The following RERE variants were observed in gnomAD, a reference collection of about 807,000 sequenced individuals.
The protein encoded by RERE is arginine-glutamic acid dipeptide repeats protein.
Under a neutral mutation model 146.1 loss-of-function variants are expected in RERE, and 40 were observed. The ratio of observed to expected loss-of-function variants is 0.27; its 90% CI spans 0.21 to 0.36. RERE has a LOEUF of 0.36. RERE is among the 10% of genes least tolerant of loss of function. The probability of loss-of-function intolerance (pLI) is 1.00; values close to 1 mark genes in which losing one functional copy is unlikely to be tolerated. For missense variants in RERE, 1,933 were observed against 2,138.7 expected (o/e 0.90, Z 1.90); for synonymous variants, 1,003 against 866.0 (o/e 1.16, Z -2.78).
chr1:8,622,201 A>C (rs1646923942), intron 3 of RERE, among the ~76,000 whole-genome samples: 1 of 152,188 alleles, frequency 6.6e-6, no homozygotes, highest in Non-Finnish European at 1.5e-5. Context: ...AGCAACTATC[A>C]CATTGTAATC....
rs1205468994 is a variant in RERE, at chr1:8,459,789, A to C, written c.1203+6136T>G. On this transcript the variant is annotated intron_variant, in intron 11 of 22. Coordinates refer to ENST00000400908, the MANE Select transcript of RERE (RefSeq NM_001042681.2). ...ATGTTGTTCTAACAATAAAAAAAAC[A>C]ATCTGCACAAAACCCTAAAAAGAAT... Among the ~76,000 whole-genome samples the C allele has an allele frequency of 2.0e-5, 3 of 152,198 alleles. No individual in the cohort carries two copies. The East Asian group carries it at 5.8e-4, about 29-fold the overall frequency.
intron 3 of RERE, among the ~76,000 whole-genome samples, chr1:8,617,992 T>A (rs1182583088): frequency 1.3e-5 from 2 of 152,374 alleles, no homozygotes; most frequent in Admixed American, 6.5e-5. Context: ...TTAATTTGTG[T>A]TGATGTATGC....
At chr1:8,512,316 AGCCACCGC>A (rs1464371310) in intron 7 of RERE, among the ~76,000 whole-genome samples, 4 of 151,076 alleles carry the variant, frequency 2.6e-5, no homozygotes, top group African/African-American at 7.3e-5. Flanking sequence ...TACAGGCGTG[AGCCACCGC>A]GCCCGGCCAG....
intron 7 of RERE, among the ~76,000 whole-genome samples, chr1:8,510,080 CAAG>C (rs984930185): frequency 1.3e-5 from 2 of 151,554 alleles, no homozygotes; most frequent in Non-Finnish European, 2.9e-5. Context: ...AGGAGGAAGA[CAAG>C]GAGGAGGAGG....
Position 8,570,425 on chromosome 1 carries a change from CATAA to C in RERE, c.523-12906_523-12903del, listed in dbSNP as rs767450801. Among the ~76,000 whole-genome samples the C allele has an allele frequency of 1.8e-4, 27 of 152,164 alleles. No individual in the cohort carries two copies. The East Asian group carries it at 2.3e-3, about 13-fold the overall frequency. ...TAAACCCACTACATGCTCGTGTTAA[CATAA>C]ATAATTATAACAAATAACTATAATT... On this transcript the variant is annotated intron_variant, in intron 4 of 22. Transcript: ENST00000400908.
chr1:8,586,946 C>T (rs906455159), intron 4 of RERE, among the ~76,000 whole-genome samples: 3 of 151,996 alleles, frequency 2.0e-5, no homozygotes, highest in Non-Finnish European at 2.9e-5. Context: ...AAGAATGCAG[C>T]CCAGGAAACT....
chr1:8,374,531 C>T (rs911887042), intron 12 of RERE, among the ~76,000 whole-genome samples: 3 of 152,156 alleles, frequency 2.0e-5, no homozygotes, highest in Admixed American at 6.5e-5. Context: ...CCTGGCCCCA[C>T]ACCTCCACTC....
At chr1:8,789,301 A>AAATATATATATATATATAT in intron 1 of RERE, among the ~76,000 whole-genome samples, 1 of 24,828 alleles carries the variant, frequency 4.0e-5, no homozygotes, top group Non-Finnish European at 6.5e-5. Context: ...AAAAAAAAAA[A>AAATATATATATATATATAT]ATATATATAT....
intron 11 of RERE, among the ~76,000 whole-genome samples, chr1:8,441,636 G>A (rs561681952): frequency 4.6e-5 from 7 of 152,272 alleles, no homozygotes; most frequent in South Asian, 2.1e-4. Context: ...CATATCTGAC[G>A]ACAAATTATA....
At chr1:8,589,662 G>C (rs188608454) in intron 4 of RERE, among the ~76,000 whole-genome samples, 4 of 152,174 alleles carry the variant, frequency 2.6e-5, no homozygotes, top group African/African-American at 9.7e-5. Context: ...AGGCAAACAA[G>C]AGTTTGCCCC....
chr1:8,792,377 C>A (rs780815904), intron 1 of RERE: 1 of 152,180 alleles, frequency 6.6e-6, no homozygotes, highest in Non-Finnish European at 1.5e-5. Flanking sequence ...ATAATAGCCA[C>A]TCAAGGAGAA....
rs537546735 is a variant in RERE, at chr1:8,372,800, C to T, written c.1285-6826G>A. Among the ~76,000 whole-genome samples the T allele has an allele frequency of 3.3e-5, 5 of 152,312 alleles. No individual in the cohort carries two copies. In the South Asian group the frequency reaches 1.0e-3, roughly 32 times the overall value. On this transcript the variant is annotated intron_variant, in intron 12 of 22. Coordinates refer to ENST00000400908, the MANE Select transcript of RERE (RefSeq NM_001042681.2). ...AGGCATCTAAACCAGATCCCTGCAA[C>T]GTCACATATGCCCAGGCTCTGGCCT...
At chr1:8,635,947 TTTATCTTATC>T (rs779134387) in intron 2 of RERE, among the ~76,000 whole-genome samples, 39 of 108,430 alleles carry the variant, frequency 3.6e-4, no homozygotes, top group South Asian at 1.5e-3. Context: ...ATTATTTTAT[TTTATCTTATC>T]TTATCTTATC....
intron 1 of RERE, among the ~76,000 whole-genome samples, chr1:8,765,248 A>T (rs781375484): frequency 6.6e-6 from 1 of 152,254 alleles, no homozygotes; most frequent in Non-Finnish European, 1.5e-5. Flanking sequence ...AGCCAGTTAC[A>T]AAAGACTACA....
chr1:8,361,615 C>G, intron 17 of RERE, 125 bp from the exon 18 acceptor site: 1 of 1,407,682 alleles, frequency 7.1e-7, no homozygotes. Flanking sequence ...TCCGGGACCA[C>G]AGGTCGTGCC....
chr1:8,426,277 A>T (rs1158590563), intron 11 of RERE, among the ~76,000 whole-genome samples: 2 of 151,794 alleles, frequency 1.3e-5, no homozygotes, highest in African/African-American at 2.4e-5. Flanking sequence ...ACACAGTGAA[A>T]CCCCGTCTCT....
chr1:8,397,218 C>A (rs1159785186), intron 12 of RERE, among the ~76,000 whole-genome samples: 1 of 152,204 alleles, frequency 6.6e-6, no homozygotes, highest in Non-Finnish European at 1.5e-5. Context: ...TGCCTCCTTT[C>A]TCTTCACACG....
intron 12 of RERE, among the ~76,000 whole-genome samples, chr1:8,391,116 A>T (rs1017682675): frequency 6.6e-6 from 1 of 152,178 alleles, no homozygotes; most frequent in Non-Finnish European, 1.5e-5. Context: ...CAAAATAAAC[A>T]GGAAAACTGA....
At chr1:8,476,918 A>C (rs1297708059) in intron 10 of RERE, among the ~76,000 whole-genome samples, 1 of 152,372 alleles carries the variant, frequency 6.6e-6, no homozygotes, top group African/African-American at 2.4e-5. Flanking sequence ...AAAAGGAATA[A>C]ACAAATGGTA....
Sources: gnomAD v4.1 joint callset for allele counts (sites outside exome capture counted in the v4.1 genomes callset) on GRCh38, gnomAD v4.1.1 for gene constraint, MANE v1.5 for transcripts, NCBI Gene and HGNC (gene_info 2026-07-23, HGNC 2026-07-21) for gene names.